Variants in NXT1 observed in about 807,000 individuals in gnomAD.
The protein encoded by NXT1 is NTF2-related export protein 1.
A neutral mutation model predicts 9.9 loss-of-function variants in NXT1; 3 were observed. The observed-to-expected ratio is 0.30, with a 90% CI of 0.14 to 0.79. NXT1 has a LOEUF of 0.79. Among genes scored for constraint, NXT1 ranks in the 30% least tolerant of loss-of-function variants. The probability of loss-of-function intolerance (pLI) is 0.63; values close to 1 mark genes in which losing one functional copy is unlikely to be tolerated. For synonymous variants in NXT1, 53 were observed against 66.5 expected (o/e 0.80, Z 0.99); for missense variants, 91 against 178.2 (o/e 0.51, Z 2.79).
intron 1 of NXT1, among the ~76,000 whole-genome samples, chr20:23,353,249 C>G (rs1315928409): frequency 6.6e-6 from 1 of 152,332 alleles, no homozygotes; most frequent in Non-Finnish European, 1.5e-5. Context: ...GCCTCCTTAT[C>G]CTCTGGGAAT....
At chr20:23,353,921 G>C in intron 1 of NXT1, 60 bp from the exon 2 acceptor site, 1 of 930,694 alleles carries the variant, frequency 1.1e-6, no homozygotes, top group East Asian at 2.4e-5. Flanking sequence ...ATGTTCCATT[G>C]TCAGGGCAGA....
rs1292952958 is a variant in NXT1, at chr20:23,351,003, G to C, written c.-120G>C. 1 of 152,166 alleles carries C rather than the reference G, an allele frequency of 6.6e-6. No individual in the cohort carries two copies. Among genetic ancestry groups the C allele is most frequent in the Non-Finnish European group, 1.5e-5 (1 of 68,042 alleles). 9.4% of individuals were successfully genotyped at this position (152,166 alleles called of 1,614,324 possible). On this transcript the variant is annotated 5_prime_UTR_variant, in exon 1 of 2. Transcript: ENST00000254998. Reference sequence around the variant, plus strand: ...CCCTCAGTGGAACTGCGTCCCACGCGGGGGGCGTCCCGACCGTGGGGGCCG... The same window carrying C: ...CCCTCAGTGGAACTGCGTCCCACGCCGGGGGCGTCCCGACCGTGGGGGCCG...
In NXT1 at chr20:23,354,472, G is replaced by T; in HGVS notation, c.*8G>T. On this transcript the variant is annotated 3_prime_UTR_variant, in exon 2 of 2. Coordinates refer to ENST00000254998, the MANE Select transcript of NXT1 (RefSeq NM_013248.3). ...CAGGACTGGGCCAGCTAGTGGGGGT[G>T]GCAGAGGTCTCTTTGCTTCATTCAG... is the stretch of plus-strand genomic sequence containing the variant. The T allele has an allele frequency of 1.2e-6, 2 of 1,607,438 alleles. No individual in the cohort carries two copies. The highest frequency in any genetic ancestry group is 2.2e-5 in the South Asian group (2 of 90,348).
intron 1 of NXT1, among the ~76,000 whole-genome samples, chr20:23,352,224 G>C (rs1251687897): frequency 6.6e-6 from 1 of 152,220 alleles, no homozygotes; most frequent in Non-Finnish European, 1.5e-5. Context: ...TCAGGGACTT[G>C]AGCATCTGCA....
chr20:23,352,954 A>G (rs1241342206), intron 1 of NXT1, among the ~76,000 whole-genome samples: 5 of 152,100 alleles, frequency 3.3e-5, no homozygotes, highest in Admixed American at 6.6e-5. Flanking sequence ...TTCTGTCCTC[A>G]TGTCATTTGT....
Position 23,351,042 on chromosome 20 carries a change from C to T in NXT1, c.-81C>T, listed in dbSNP as rs1414346701. 6.6e-6 allele frequency: 1 copy of T among 152,270 alleles called. No homozygotes were observed. Among genetic ancestry groups the T allele is most frequent in the Non-Finnish European group, 1.5e-5 (1 of 68,106 alleles). The allele number at this position is 152,270 out of a possible 1,614,324, so 9.4% of individuals were successfully genotyped here. A position where few individuals can be genotyped will look rare whatever the true frequency, so the allele number is the denominator to read the frequency against. On this transcript the variant is annotated 5_prime_UTR_variant, in exon 1 of 2. Coordinates refer to ENST00000254998, the MANE Select transcript of NXT1 (RefSeq NM_013248.3). The stretch of plus-strand genomic sequence containing the variant: ...CCGTGGGGGCCGCGGCCCGCGCTGA[C>T]CCTGGACGTCGCCGCGCAGGTACGT...
intron 1 of NXT1, 127 bp from the exon 2 acceptor site, chr20:23,353,854 G>C: frequency 1.6e-6 from 1 of 619,216 alleles, no homozygotes; most frequent in Non-Finnish European, 2.8e-6. Flanking sequence ...TACTATTTGA[G>C]CCTACAGTCA....
At position 23,354,588 on chromosome 20, in the gene NXT1, C is replaced by T; in HGVS notation, c.*124C>T. On this transcript the variant is annotated 3_prime_UTR_variant, in exon 2 of 2. Transcript: ENST00000254998. ...GTTGTTGCGGAGACACTGCAGACTC[C>T]ACTGTGCCGAGGTTGAACTCTTTTT... 2 of 1,123,856 alleles carry T rather than the reference C, an allele frequency of 1.8e-6. No homozygotes were observed. The highest frequency in any genetic ancestry group is 1.2e-6 in the Non-Finnish European group (1 of 800,408). The allele number at this position is 1,123,856 out of a possible 1,614,324, so 69.6% of individuals were successfully genotyped here.
chr20:23,354,343 T>C lies in NXT1; in HGVS notation c.302T>C (p.Phe101Ser). ...VLVVICGSVK[F>S]EGNKQRDFNQ... is the part of the protein sequence containing the mutation. ...GTTGTCATCTGTGGATCAGTGAAGT[T>C]TGAGGGGAACAAACAACGGGACTTC... Residue 101 changes from phenylalanine (F) to serine (S), a missense_variant, in exon 2 of 2, where the codon TTT becomes TCT. Phe to Ser is a radical substitution (Grantham distance 155). Coordinates refer to ENST00000254998, the MANE Select transcript of NXT1 (RefSeq NM_013248.3). 2 of 1,614,120 alleles carry C rather than the reference T, an allele frequency of 1.2e-6. No individual in the cohort carries two copies. The highest frequency in any genetic ancestry group is 8.5e-7 in the Non-Finnish European group (1 of 1,180,016).
In NXT1 at chr20:23,354,470, G is replaced by T. The variant is rs891935197; in HGVS notation, c.*6G>T. 1.7e-5 allele frequency: 28 copies of T among 1,607,808 alleles called. No homozygotes were observed. Among genetic ancestry groups the T allele is most frequent in the Non-Finnish European group, 2.2e-5 (26 of 1,176,824 alleles). On this transcript the variant is annotated 3_prime_UTR_variant, in exon 2 of 2. Transcript: ENST00000254998. ...TCCAGGACTGGGCCAGCTAGTGGGG[G>T]TGGCAGAGGTCTCTTTGCTTCATTC...
rs554789723 is a variant in NXT1, at chr20:23,354,674, T to C, written c.*210T>C. 1.7e-6 allele frequency: 1 copy of C among 571,934 alleles called. No homozygotes were observed. Among genetic ancestry groups the C allele is most frequent in the African/African-American group, 1.9e-5 (1 of 52,670 alleles). 35.4% of individuals were successfully genotyped at this position (571,934 alleles called of 1,614,324 possible). ...TATACTTGTTTGTCATAGTTTCCTT[T>C]TCAAAGTAGTAAACTTTTCTATTTT... On this transcript the variant is annotated 3_prime_UTR_variant, in exon 2 of 2. Coordinates refer to ENST00000254998, the MANE Select transcript of NXT1 (RefSeq NM_013248.3).
rs554789723 is a variant in NXT1, at chr20:23,354,674, T to A, written c.*210T>A. ...TATACTTGTTTGTCATAGTTTCCTT[T>A]TCAAAGTAGTAAACTTTTCTATTTT... On this transcript the variant is annotated 3_prime_UTR_variant, in exon 2 of 2. Coordinates refer to ENST00000254998, the MANE Select transcript of NXT1 (RefSeq NM_013248.3). The A allele has an allele frequency of 1.2e-3, 668 of 572,052 alleles. 1 individual carries two copies. The highest frequency in any genetic ancestry group is 1.8e-3 in the Non-Finnish European group (598 of 324,740). The allele number at this position is 572,052 out of a possible 1,614,324, so 35.4% of individuals were successfully genotyped here. A position where few individuals can be genotyped will look rare whatever the true frequency, so the allele number is the denominator to read the frequency against.
intron 1 of NXT1, among the ~76,000 whole-genome samples, chr20:23,352,203 A>G (rs1486069403): frequency 6.6e-6 from 1 of 152,228 alleles, no homozygotes; most frequent in African/African-American, 2.4e-5. Context: ...ATCAAACAGT[A>G]CACCATTTTA....
At chr20:23,352,055 A>G (rs1980281452) in intron 1 of NXT1, among the ~76,000 whole-genome samples, 1 of 152,204 alleles carries the variant, frequency 6.6e-6, no homozygotes, top group African/African-American at 2.4e-5. Context: ...CTGAACATGT[A>G]GAGGCTTTTT....
Position 23,353,966 on chromosome 20 carries a change from C to A in NXT1, c.-61-15C>A. 6.8e-7 allele frequency: 1 copy of A among 1,465,610 alleles called. No individual in the cohort carries two copies. Among genetic ancestry groups the A allele is most frequent in the Non-Finnish European group, 9.3e-7 (1 of 1,073,174 alleles). The allele number at this position is 1,465,610 out of a possible 1,614,324, so 90.8% of individuals were successfully genotyped here. ...GGCATTCACGTGGCTTCTCTTCAAC[C>A]TTACTTCCCTGCAGCCCCTGGTTCC... On this transcript the variant is annotated splice_polypyrimidine_tract_variant and intron_variant, in intron 1 of 1. Transcript: ENST00000254998.
At position 23,354,578 on chromosome 20, in the gene NXT1, C is replaced by T. The variant is rs1781528131; in HGVS notation, c.*114C>T. The T allele has an allele frequency of 2.5e-6, 3 of 1,203,142 alleles. No individual in the cohort carries two copies. The highest frequency in any genetic ancestry group is 3.2e-5 in the South Asian group (2 of 63,482). The allele number at this position is 1,203,142 out of a possible 1,614,324, so 74.5% of individuals were successfully genotyped here. A position where few individuals can be genotyped will look rare whatever the true frequency, so the allele number is the denominator to read the frequency against. On this transcript the variant is annotated 3_prime_UTR_variant, in exon 2 of 2. Transcript: ENST00000254998. ...GTTCATTTCTGTTGTTGCGGAGACA[C>T]TGCAGACTCCACTGTGCCGAGGTTG...
At chr20:23,353,799 G>A (rs1471565044) in intron 1 of NXT1, among the ~76,000 whole-genome samples, 182 bp from the exon 2 acceptor site, 1 of 152,164 alleles carries the variant, frequency 6.6e-6, no homozygotes, top group East Asian at 1.9e-4. Context: ...TCTTAACAGT[G>A]AGCAAACTGA....
In NXT1 at chr20:23,354,328, G is replaced by C. The variant is rs369415027; in HGVS notation, c.287G>C (p.Cys96Ser). The C allele has an allele frequency of 6.2e-7, 1 of 1,614,086 alleles. No individual in the cohort carries two copies. The highest frequency in any genetic ancestry group is 1.3e-5 in the African/African-American group (1 of 74,924). Residue 96 changes from cysteine (C) to serine (S), a missense_variant, in exon 2 of 2, where the codon TGT becomes TCT. Coordinates refer to ENST00000254998, the MANE Select transcript of NXT1 (RefSeq NM_013248.3). ...CAGACCACGGTCCTTGTTGTCATCT[G>C]TGGATCAGTGAAGTTTGAGGGGAAC... ...PSQTTVLVVICGSVKFEGNKQ... is the reference protein window; with the variant it reads ...PSQTTVLVVISGSVKFEGNKQ...
At position 23,354,599 on chromosome 20, in the gene NXT1, G is replaced by A; in HGVS notation, c.*135G>A. ...GACACTGCAGACTCCACTGTGCCGAGGTTGAACTCTTTTTTGTTGCTCAAG... is the reference window on the plus strand; with the variant it reads ...GACACTGCAGACTCCACTGTGCCGAAGTTGAACTCTTTTTTGTTGCTCAAG... On this transcript the variant is annotated 3_prime_UTR_variant, in exon 2 of 2. Transcript: ENST00000254998. 5.0e-6 allele frequency: 5 copies of A among 994,754 alleles called. No homozygotes were observed. Among genetic ancestry groups the A allele is most frequent in the Non-Finnish European group, 7.3e-6 (5 of 686,106 alleles). 61.6% of individuals were successfully genotyped at this position (994,754 alleles called of 1,614,324 possible).
Sources: allele counts gnomAD v4.1 joint callset (sites outside exome capture counted in the v4.1 genomes callset), GRCh38; gene constraint gnomAD v4.1.1; transcripts MANE v1.5; gene names NCBI Gene and HGNC (gene_info 2026-07-23, HGNC 2026-07-21).